UBXN7: variants seen among roughly 807,000 people sequenced by gnomAD.
UBXN7 encodes UBX domain protein 7, also known as UBX domain-containing protein 7.
In UBXN7, 9 loss-of-function variants were observed where a neutral mutation model predicts 58.0. The ratio of observed to expected loss-of-function variants is 0.16; its 90% CI spans 0.09 to 0.27. The LOEUF (loss-of-function observed/expected upper bound fraction) is 0.27. UBXN7 is among the 10% of genes least tolerant of loss of function. The pLI is 1.00. For missense variants in UBXN7, 328 were observed against 599.6 expected (o/e 0.55, Z 4.73); for synonymous variants, 208 against 205.0 (o/e 1.01, Z -0.12).
At chr3:196,363,347 T>C (rs1192369313) in intron 8 of UBXN7, among the ~76,000 whole-genome samples, 2 of 151,830 alleles carry the variant, frequency 1.3e-5, no homozygotes, top group Non-Finnish European at 2.9e-5. Context: ...CAAGTAAGCA[T>C]ACGCATTTTT....
intron 1 of UBXN7, 182 bp downstream of exon 1, chr3:196,432,145 G>T (rs528055834): frequency 1.3e-6 from 1 of 788,470 alleles, no homozygotes; most frequent in South Asian, 1.5e-5. Flanking sequence ...GGAGCGGGGG[G>T]GGGCTGTCTC....
At chr3:196,359,963 G>GA (rs965698832) in intron 10 of UBXN7, among the ~76,000 whole-genome samples, 1 of 151,160 alleles carries the variant, frequency 6.6e-6, no homozygotes, top group Non-Finnish European at 1.5e-5. Flanking sequence ...CTGAAAAGGA[G>GA]AAAGTTTTAG....
intron 1 of UBXN7, among the ~76,000 whole-genome samples, chr3:196,422,343 T>C (rs1008945604): frequency 1.3e-5 from 2 of 150,752 alleles, no homozygotes; most frequent in African/African-American, 4.9e-5. Context: ...TAGCTGGGCA[T>C]GGTGGTGTGT....
rs868390604 is a variant in UBXN7 at position 196,391,716 on chromosome 3, A to G, written c.468+97T>C. The G allele has an allele frequency of 4.7e-5, 41 of 865,188 alleles. No homozygotes were observed. In the Middle Eastern group the frequency reaches 4.4e-3, roughly 93 times the overall value. 53.6% of individuals were successfully genotyped at this position (865,188 alleles called of 1,614,324 possible). On this transcript the variant is annotated intron_variant, in intron 5 of 10. Transcript: ENST00000296328. ...GTCACTGCAGTCCAGCCTGGACGAC[A>G]GAGCGAGACCTGCTCTAAAACAAGT...
chr3:196,360,844 C>G (rs1318856347), intron 10 of UBXN7, among the ~76,000 whole-genome samples: 1 of 152,014 alleles, frequency 6.6e-6, no homozygotes, highest in Non-Finnish European at 1.5e-5. Flanking sequence ...GGCAACACAG[C>G]AAGAAACCAT....
At chr3:196,358,078 C>A (rs550532624) in intron 10 of UBXN7, among the ~76,000 whole-genome samples, 3 of 152,138 alleles carry the variant, frequency 2.0e-5, no homozygotes, top group Admixed American at 2.0e-4. Flanking sequence ...AACCAAAAAC[C>A]ACAGAAAGCT....
At chr3:196,388,971 C>CA (rs1432485034) in intron 5 of UBXN7, among the ~76,000 whole-genome samples, 4 of 151,286 alleles carry the variant, frequency 2.6e-5, no homozygotes, top group South Asian at 2.1e-4. Flanking sequence ...AAATACAAGG[C>CA]AAAAAAGGTG....
chr3:196,420,429 T>C (rs2108624135), intron 1 of UBXN7, among the ~76,000 whole-genome samples: 1 of 150,438 alleles, frequency 6.6e-6, no homozygotes, highest in East Asian at 1.9e-4. Flanking sequence ...TACTGAGGAG[T>C]CTGAGGCAGA....
rs182703870 is a variant in UBXN7 at position 196,420,542 on chromosome 3, A to T, written c.73+11785T>A. ...CGAGACTCCATCTCAAAAAAAAAAA[A>T]AAATTAAATTAAATTAAAAAACGGA... On this transcript the variant is annotated intron_variant, in intron 1 of 10. Transcript: ENST00000296328. 8.1e-3 allele frequency among the ~76,000 whole-genome samples: 1,236 copies of T among 152,024 alleles called. 12 individuals carry two copies. The highest frequency in any genetic ancestry group is 0.029 in the African/African-American group (1,189 of 41,390).
chr3:196,362,158 TAA>T, intron 9 of UBXN7, 134 bp downstream of exon 9: 1 of 1,237,564 alleles, frequency 8.1e-7, no homozygotes, highest in Non-Finnish European at 1.1e-6. Flanking sequence ...CACACCTGGC[TAA>T]GTTTTGTATT....
intron 5 of UBXN7, among the ~76,000 whole-genome samples, chr3:196,380,094 C>T (rs1234215631): frequency 6.6e-6 from 1 of 151,824 alleles, no homozygotes; most frequent in Non-Finnish European, 1.5e-5. Context: ...TTAAAAAATA[C>T]AAAAAATCAG....
At position 196,365,439 on chromosome 3, in the gene UBXN7, G is replaced by C. The variant is rs528642532; in HGVS notation, c.834+2589C>G. Among the ~76,000 whole-genome samples the C allele has an allele frequency of 1.6e-4, 25 of 152,094 alleles. No individual in the cohort carries two copies. The East Asian group carries it at 3.5e-3, about 21-fold the overall frequency. On this transcript the variant is annotated intron_variant, in intron 8 of 10. Transcript: ENST00000296328. ...TCTTAAGAGACAGAGTCTTACTGTT[G>C]CCCAAAGACTGGAGTGCAGTGACTA...
chr3:196,351,140 AAC>A lies in UBXN7; in HGVS notation c.*5543_*5544del, dbSNP rs945510409. On this transcript the variant is annotated 3_prime_UTR_variant, in exon 11 of 11. Transcript: ENST00000296328. ...TAAAGATACATTCTGTGGAATAAAA[AAC>A]ATTTTTAAGTCAGCCTAATTGTATC... 6.6e-6 allele frequency: 1 copy of A among 152,244 alleles called. No homozygotes were observed. The highest frequency in any genetic ancestry group is 2.4e-5 in the African/African-American group (1 of 41,478). The allele number at this position is 152,244 out of a possible 1,614,324, so 9.4% of individuals were successfully genotyped here.
At chr3:196,428,135 AAAACAAAAAC>A (rs1277689552) in intron 1 of UBXN7, among the ~76,000 whole-genome samples, 3 of 151,704 alleles carry the variant, frequency 2.0e-5, no homozygotes. Context: ...AACAAAAACA[AAAACAAAAAC>A]AAACAAAAAG....
chr3:196,430,291 G>A (rs1160737226), intron 1 of UBXN7, among the ~76,000 whole-genome samples: 1 of 151,980 alleles, frequency 6.6e-6, no homozygotes, highest in Non-Finnish European at 1.5e-5. Context: ...GGAGGTGGAG[G>A]TTGCAGTGAG....
At chr3:196,423,992 C>T (rs1361348562) in intron 1 of UBXN7, among the ~76,000 whole-genome samples, 1 of 151,056 alleles carries the variant, frequency 6.6e-6, no homozygotes. Context: ...CGGGTTCCAG[C>T]GATTCACCTG....
intron 5 of UBXN7, among the ~76,000 whole-genome samples, chr3:196,376,390 T>A (rs538399775): frequency 7.9e-5 from 12 of 151,042 alleles, no homozygotes; most frequent in African/African-American, 2.7e-4. Context: ...TACTAAAATT[T>A]AAAAAATTAG....
intron 4 of UBXN7, 120 bp from the exon 5 acceptor site, chr3:196,392,045 C>T (rs1729599973): frequency 3.5e-6 from 2 of 574,958 alleles, no homozygotes; most frequent in South Asian, 4.9e-5. Context: ...TGCTTGACCT[C>T]AAATACAAAG....
intron 2 of UBXN7, among the ~76,000 whole-genome samples, chr3:196,405,881 T>C (rs185775961): frequency 4.6e-5 from 7 of 152,328 alleles, no homozygotes; most frequent in Non-Finnish European, 1.0e-4. Context: ...GGCAATTCAT[T>C]AGGAAAAGAT....
Sources: gnomAD v4.1 joint callset for allele counts (sites outside exome capture counted in the v4.1 genomes callset) on GRCh38, gnomAD v4.1.1 for gene constraint, MANE v1.5 for transcripts, NCBI Gene and HGNC (gene_info 2026-07-23, HGNC 2026-07-21) for gene names.